SLC44A5: variants seen among roughly 807,000 people sequenced by gnomAD.
SLC44A5 encodes solute carrier family 44 member 5.
Under a neutral mutation model 101.8 loss-of-function variants are expected in SLC44A5, and 57 were observed. That is an observed-to-expected ratio of 0.56 (90% CI 0.45 to 0.70). The LOEUF is 0.70. Ranked by LOEUF, SLC44A5 falls within the 30% of genes least tolerant of loss-of-function variation. SLC44A5 has a pLI of 0.00. For synonymous variants in SLC44A5, 281 were observed against 290.9 expected (o/e 0.97, Z 0.35); for missense variants, 737 against 853.1 (o/e 0.86, Z 1.70).
At chr1:75,561,135 C>A (rs1672496505) in intron 1 of SLC44A5, among the ~76,000 whole-genome samples, 1 of 152,124 alleles carries the variant, frequency 6.6e-6, no homozygotes, top group African/African-American at 2.4e-5. Flanking sequence ...TATCTGAAAT[C>A]TTTTCTCTGC....
intron 7 of SLC44A5, among the ~76,000 whole-genome samples, chr1:75,246,417 T>C (rs1192404074): frequency 6.6e-6 from 1 of 152,116 alleles, no homozygotes; most frequent in Non-Finnish European, 1.5e-5. Flanking sequence ...ATTTGTTCAT[T>C]CATTTAATAA....
At chr1:75,717,591 G>A in the SLC44A5 span, among the ~76,000 whole-genome samples, 1 of 152,042 alleles carries the variant, frequency 6.6e-6, no homozygotes, top group Non-Finnish European at 1.5e-5. Context: ...ACCTGCACAC[G>A]TACCTCTGAA....
At chr1:75,601,798 A>T (rs1675000619) in intron 1 of SLC44A5, among the ~76,000 whole-genome samples, 1 of 152,174 alleles carries the variant, frequency 6.6e-6, no homozygotes, top group East Asian at 1.9e-4. Context: ...GACATCATCT[A>T]ACCACCTTCC....
chr1:75,267,929 T>C (rs1416262312), intron 6 of SLC44A5, among the ~76,000 whole-genome samples: 2 of 152,140 alleles, frequency 1.3e-5, no homozygotes, highest in Admixed American at 6.5e-5. Flanking sequence ...TTGTGAACCA[T>C]TGAAACAGCT....
the SLC44A5 span, among the ~76,000 whole-genome samples, chr1:75,720,711 T>C: frequency 6.6e-6 from 1 of 152,080 alleles, no homozygotes; most frequent in African/African-American, 2.4e-5. Context: ...ACACAGTCCT[T>C]GGGAGATCCT....
chr1:75,221,734 C>T (rs905764768), intron 14 of SLC44A5, among the ~76,000 whole-genome samples: 9 of 152,136 alleles, frequency 5.9e-5, no homozygotes, highest in African/African-American at 2.2e-4. Context: ...TTATATAGCA[C>T]TTTATCACTT....
chr1:75,331,078 A>C lies in SLC44A5; in HGVS notation c.101+8504T>G, dbSNP rs184735274. Among the ~76,000 whole-genome samples, 587 of 150,516 alleles carry C rather than the reference A, an allele frequency of 3.9e-3. 3 individuals carry two copies. The highest frequency in any genetic ancestry group is 0.014 in the African/African-American group (566 of 40,864). On this transcript the variant is annotated intron_variant, in intron 4 of 23. Transcript: ENST00000370859. ...ATTCTTCCACCTCTGCTTGATCTCCAAATGCTTTTGAGTCTGGAGTGTTGT... is the reference window on the plus strand; with the variant it reads ...ATTCTTCCACCTCTGCTTGATCTCCCAATGCTTTTGAGTCTGGAGTGTTGT...
the SLC44A5 span, among the ~76,000 whole-genome samples, chr1:75,674,384 A>AT: frequency 0.08 from 11,959 of 148,630 alleles, 1,542 homozygotes; most frequent in African/African-American, 0.27. Flanking sequence ...AGAAAAAAGG[A>AT]TTTTTTTTTT....
At chr1:75,565,947 T>C (rs941963165) in intron 1 of SLC44A5, among the ~76,000 whole-genome samples, 3 of 152,240 alleles carry the variant, frequency 2.0e-5, no homozygotes, top group Admixed American at 2.0e-4. Context: ...ATTGAAGGTG[T>C]TATTTTTCAC....
chr1:75,667,520 T>C, the SLC44A5 span, among the ~76,000 whole-genome samples: 800 of 152,282 alleles, frequency 5.3e-3, 8 homozygotes, highest in African/African-American at 0.019. Context: ...AATTTATAGA[T>C]TCAATGCTAT....
chr1:75,444,473 GAGA>G (rs1665411329), intron 2 of SLC44A5, among the ~76,000 whole-genome samples: 1 of 95,404 alleles, frequency 1.0e-5, no homozygotes, highest in South Asian at 3.5e-4. Context: ...AAAAAAGAAA[GAGA>G]AAGAAAGAAG....
chr1:75,641,660 G>C, the SLC44A5 span: 5 of 1,489,516 alleles, frequency 3.4e-6, no homozygotes, highest in South Asian at 4.5e-5. Context: ...AATAACTTCA[G>C]CTTGAAGAAT....
intron 1 of SLC44A5, among the ~76,000 whole-genome samples, chr1:75,605,077 A>C (rs866883273): frequency 1.3e-5 from 2 of 151,944 alleles, no homozygotes; most frequent in Admixed American, 1.3e-4. Flanking sequence ...CCAGTTCTCA[A>C]GGGGGATGCT....
At chr1:75,224,893 G>T (rs1435215004) in intron 13 of SLC44A5, among the ~76,000 whole-genome samples, 1 of 151,898 alleles carries the variant, frequency 6.6e-6, no homozygotes, top group African/African-American at 2.4e-5. Context: ...AAAGCTAAAT[G>T]TTATTATAAA....
rs182979959 is a variant in SLC44A5, at chr1:75,343,833, G to C, written c.53-4203C>G. Among the ~76,000 whole-genome samples, 22 of 152,224 alleles carry C rather than the reference G, an allele frequency of 1.4e-4. 1 individual carries two copies. Among genetic ancestry groups the C allele is most frequent in the East Asian group, 9.6e-4 (5 of 5,188 alleles). ...ATAGTATGTCTATAAAAGAGGGCCT[G>C]TCATTTCATTCAAAGAAAGGGTTCT... On this transcript the variant is annotated intron_variant, in intron 3 of 23. Transcript: ENST00000370859.
At chr1:75,607,711 G>T (rs1675406546) in intron 1 of SLC44A5, among the ~76,000 whole-genome samples, 1 of 151,938 alleles carries the variant, frequency 6.6e-6, no homozygotes, top group Non-Finnish European at 1.5e-5. Flanking sequence ...AGATCTGATG[G>T]TTTTATAAAG....
intron 1 of SLC44A5, among the ~76,000 whole-genome samples, chr1:75,559,614 T>C (rs1672408685): frequency 6.6e-6 from 1 of 152,162 alleles, no homozygotes; most frequent in Non-Finnish European, 1.5e-5. Context: ...AGTATATGCT[T>C]CTTGCATACA....
At chr1:75,543,064 C>T (rs924395663) in intron 1 of SLC44A5, among the ~76,000 whole-genome samples, 29 of 152,068 alleles carry the variant, frequency 1.9e-4, no homozygotes, top group Non-Finnish European at 4.3e-4. Context: ...GGAGGAATTC[C>T]ATGTTTAATA....
chr1:75,697,535 C>G, the SLC44A5 span, among the ~76,000 whole-genome samples: 53,783 of 152,002 alleles, frequency 0.35, 10,034 homozygotes, highest in East Asian at 0.68. Flanking sequence ...ACCTGTAATC[C>G]TAGCACTTTG....
Sources: gnomAD v4.1 joint callset for allele counts (sites outside exome capture counted in the v4.1 genomes callset) on GRCh38, gnomAD v4.1.1 for gene constraint, MANE v1.5 for transcripts, NCBI Gene and HGNC (gene_info 2026-07-23, HGNC 2026-07-21) for gene names.